The following NAA60 variants were observed in gnomAD, a reference collection of about 807,000 sequenced individuals.
The protein encoded by NAA60 is N-alpha-acetyltransferase 60, NatF catalytic subunit.
A neutral mutation model predicts 26.1 loss-of-function variants in NAA60; 8 were observed. The observed-to-expected ratio is 0.31, with a 90% confidence interval of 0.18 to 0.55. The LOEUF (loss-of-function observed/expected upper bound fraction) is 0.55. Ranked by LOEUF, NAA60 falls within the 20% of genes least tolerant of loss-of-function variation. NAA60 has a pLI of 0.93. For missense variants in NAA60, 290 were observed against 311.3 expected (o/e 0.93, Z 0.51); for synonymous variants, 131 against 122.5 (o/e 1.07, Z -0.46).
intron 2 of NAA60, among the ~76,000 whole-genome samples, chr16:3,450,699 C>CAAAAAAAAA (rs539095336): frequency 1.4e-5 from 1 of 73,606 alleles, no homozygotes; most frequent in Admixed American, 1.8e-4. Context: ...GACTCCGTCT[C>CAAAAAAAAA]AAAAAAAAAA....
chr16:3,485,123 C>T (rs987285261), intron 7 of NAA60, 62 bp downstream of exon 7: 2 of 998,452 alleles, frequency 2.0e-6, no homozygotes, highest in Non-Finnish European at 3.0e-6. Flanking sequence ...AAGTGGAAGG[C>T]CCTGGATGGG....
rs1328600261 is a variant in NAA60 at position 3,476,255 on chromosome 16, C to T, written c.28C>T (p.Leu10Phe). 6.2e-7 allele frequency: 1 copy of T among 1,613,800 alleles called. No individual in the cohort carries two copies. Among genetic ancestry groups the T allele is most frequent in the Non-Finnish European group, 8.5e-7 (1 of 1,179,776 alleles). MTEVVPSSALSEVSLRLLCH... is the reference protein window; with the variant it reads MTEVVPSSAFSEVSLRLLCH... Reference sequence around the variant, plus strand: ...GACAGAGGTGGTGCCATCCAGCGCGCTCAGCGAGGTCAGCCTGCGCCTCCT... The same window carrying T: ...GACAGAGGTGGTGCCATCCAGCGCGTTCAGCGAGGTCAGCCTGCGCCTCCT... The change falls in exon 3 of 8, where the codon CTC (leucine) becomes TTC (phenylalanine). Residue 10 changes from leucine (L) to phenylalanine (F), a missense_variant. Coordinates refer to ENST00000407558, the MANE Select transcript of NAA60 (RefSeq NM_001083601.3).
intron 3 of NAA60, among the ~76,000 whole-genome samples, chr16:3,478,657 CGT>C (rs1218439195): frequency 7.9e-5 from 12 of 152,268 alleles, no homozygotes; most frequent in Non-Finnish European, 1.6e-4. Context: ...GATGAGCAGC[CGT>C]TAGCAGCCTC....
At chr16:3,478,956 C>A (rs2036655561) in intron 3 of NAA60, among the ~76,000 whole-genome samples, 1 of 152,100 alleles carries the variant, frequency 6.6e-6, no homozygotes, top group South Asian at 2.1e-4. Context: ...TTTTCCCGGG[C>A]CAGGCGCGGT....
At position 3,482,538 on chromosome 16, in the gene NAA60, A is replaced by G; in HGVS notation, c.277A>G (p.Thr93Ala). The change falls in exon 5 of 8, where the codon ACA (threonine) becomes GCA (alanine). Residue 93 changes from threonine to alanine, a missense_variant. By Grantham distance (58) the Thr-to-Ala change is moderately conservative (BLOSUM62 0). Coordinates refer to ENST00000407558, the MANE Select transcript of NAA60 (RefSeq NM_001083601.3). ...DILASNFSVD[T>A]QVAYILSLGV... ...TCTAGCATCCAACTTCTCTGTTGAC[A>G]CACAAGTCGCGTACATCCTAAGTCT... 6.2e-7 allele frequency: 1 copy of G among 1,608,520 alleles called. No homozygotes were observed. Among genetic ancestry groups the G allele is most frequent in the Non-Finnish European group, 8.5e-7 (1 of 1,177,516 alleles).
intron 2 of NAA60, 156 bp downstream of exon 2, chr16:3,448,696 C>T: frequency 1.6e-6 from 1 of 608,440 alleles, no homozygotes; most frequent in Non-Finnish European, 2.8e-6. Flanking sequence ...CAAATGCTTT[C>T]ACTTTTTTGC....
At chr16:3,451,700 C>T (rs2034792305) in intron 2 of NAA60, among the ~76,000 whole-genome samples, 1 of 151,840 alleles carries the variant, frequency 6.6e-6, no homozygotes. Flanking sequence ...GGTGGATCAC[C>T]TAAGCTCAGG....
chr16:3,482,200 CTT>C (rs1260040664), intron 4 of NAA60, among the ~76,000 whole-genome samples: 2 of 152,252 alleles, frequency 1.3e-5, no homozygotes, highest in African/African-American at 4.8e-5. Context: ...CATGCCATAA[CTT>C]TACCTTGTGC....
intron 2 of NAA60, chr16:3,449,949 ATT>A (rs2150946214): frequency 2.5e-6 from 1 of 398,036 alleles, no homozygotes; most frequent in South Asian, 1.3e-4. Flanking sequence ...CTGTAAGTCC[ATT>A]AAACCTCTTT....
intron 5 of NAA60, 172 bp downstream of exon 5, chr16:3,482,770 C>G: frequency 3.2e-6 from 2 of 630,890 alleles, no homozygotes; most frequent in Non-Finnish European, 5.8e-6. Context: ...TTCATCATCC[C>G]TCCCCTGCCA....
intron 2 of NAA60, among the ~76,000 whole-genome samples, chr16:3,449,219 C>T (rs1326209250): frequency 6.6e-6 from 1 of 151,798 alleles, no homozygotes; most frequent in East Asian, 1.9e-4. Flanking sequence ...CTAAAAAATA[C>T]AAAAATGTAG....
chr16:3,479,196 C>T (rs1383306610), intron 3 of NAA60, among the ~76,000 whole-genome samples: 2 of 152,166 alleles, frequency 1.3e-5, no homozygotes, highest in African/African-American at 4.8e-5. Flanking sequence ...GCCGAGATCA[C>T]GCCATTGCAC....
chr16:3,466,572 C>T (rs1295237572), intron 2 of NAA60, among the ~76,000 whole-genome samples: 1 of 152,194 alleles, frequency 6.6e-6, no homozygotes, highest in African/African-American at 2.4e-5. Flanking sequence ...TCCCCAAAGA[C>T]AGGAGTGTGG....
At chr16:3,478,541 T>G (rs2036624638) in intron 3 of NAA60, among the ~76,000 whole-genome samples, 1 of 152,166 alleles carries the variant, frequency 6.6e-6, no homozygotes, top group South Asian at 2.1e-4. Flanking sequence ...TGACCTTGTC[T>G]CTCTGGGGCT....
intron 2 of NAA60, chr16:3,458,178 C>T: frequency 2.0e-6 from 2 of 984,768 alleles, no homozygotes; most frequent in Non-Finnish European, 2.4e-6. Flanking sequence ...GGCTCCCCCA[C>T]GAGGTGAGGT....
chr16:3,447,580 A>G, intron 1 of NAA60: 1 of 985,426 alleles, frequency 1.0e-6, no homozygotes, highest in Non-Finnish European at 1.2e-6. Flanking sequence ...ACTGATCGGA[A>G]ACTGACACAG....
At position 3,485,721 on chromosome 16, in the gene NAA60, A is replaced by G; in HGVS notation, c.*461A>G. ...GACCGTAAAGGCACAGGAGCCTCGG[A>G]ACAAGGGGGCGCAATAAAGGGAATG... On this transcript the variant is annotated 3_prime_UTR_variant, in exon 8 of 8. Coordinates refer to ENST00000407558, the MANE Select transcript of NAA60 (RefSeq NM_001083601.3). 2.2e-6 allele frequency: 1 copy of G among 456,136 alleles called. No homozygotes were observed. Among genetic ancestry groups the G allele is most frequent in the Non-Finnish European group, 4.4e-6 (1 of 226,684 alleles). The allele number at this position is 456,136 out of a possible 1,614,324, so 28.3% of individuals were successfully genotyped here. A position where few individuals can be genotyped will look rare whatever the true frequency, so the allele number is the denominator to read the frequency against.
intron 1 of NAA60, 108 bp from the exon 2 acceptor site, chr16:3,448,363 G>C: frequency 1.2e-6 from 1 of 823,670 alleles, no homozygotes; most frequent in East Asian, 2.9e-5. Flanking sequence ...GGGCCCATCA[G>C]ATTGATACTC....
intron 3 of NAA60, among the ~76,000 whole-genome samples, chr16:3,477,413 G>A (rs2151006942): frequency 6.6e-6 from 1 of 152,330 alleles, no homozygotes; most frequent in Admixed American, 6.5e-5. Flanking sequence ...TCATGCTCTT[G>A]GCAGGGCGGT....
Sources: gnomAD v4.1 joint callset for allele counts (sites outside exome capture counted in the v4.1 genomes callset) on GRCh38, gnomAD v4.1.1 for gene constraint, MANE v1.5 for transcripts, NCBI Gene and HGNC (gene_info 2026-07-23, HGNC 2026-07-21) for gene names.